The following GYS2 variants were observed in gnomAD, a reference collection of about 807,000 sequenced individuals.
GYS2 encodes glycogen [starch] synthase, liver.
A neutral mutation model predicts 85.6 loss-of-function variants in GYS2; 80 were observed. That is an observed-to-expected ratio of 0.93 (90% CI 0.78 to 1.13). The LOEUF (loss-of-function observed/expected upper bound fraction) is 1.13, where lower values mean the gene tolerates loss of function less well. Among genes scored for constraint, GYS2 ranks in the 50% most tolerant of loss-of-function variants. The probability of loss-of-function intolerance (pLI) is 0.00; values close to 1 mark genes in which losing one functional copy is unlikely to be tolerated. For synonymous variants in GYS2, 328 were observed against 300.7 expected, an observed-to-expected ratio of 1.09 and a Z score of -0.94; for missense variants, 881 against 854.9, an observed-to-expected ratio of 1.03 and a Z score of -0.38.
intron 11 of GYS2, among the ~76,000 whole-genome samples, chr12:21,548,491 G>A (rs1944068364): frequency 6.6e-6 from 1 of 152,120 alleles, no homozygotes; most frequent in Admixed American, 6.5e-5. Flanking sequence ...AGGATGTGAT[G>A]AATTTTGAGA....
chr12:21,555,547 A>T (rs1177849029), intron 11 of GYS2, among the ~76,000 whole-genome samples: 1 of 152,174 alleles, frequency 6.6e-6, no homozygotes, highest in Non-Finnish European at 1.5e-5. Context: ...TCTGATCTTA[A>T]AACTTGAAAT....
intron 11 of GYS2, among the ~76,000 whole-genome samples, chr12:21,552,290 T>C (rs1944121543): frequency 6.6e-6 from 1 of 152,220 alleles, no homozygotes; most frequent in Non-Finnish European, 1.5e-5. Context: ...AGCTGAGACA[T>C]GAAATCTTCA....
chr12:21,546,349 G>A lies in GYS2; in HGVS notation c.1544C>T (p.Thr515Ile), dbSNP rs1944039179. 1 of 1,601,828 alleles carries A rather than the reference G, an allele frequency of 6.2e-7. No homozygotes were observed. The highest frequency in any genetic ancestry group is 8.5e-7 in the Non-Finnish European group (1 of 1,169,654). Residue 515 changes from threonine (T) to isoleucine (I), a missense_variant, in exon 12 of 16, where the codon ACT becomes ATT. Coordinates refer to ENST00000261195, the MANE Select transcript of GYS2 (RefSeq NM_021957.4). ...FPSYYEPWGY[T>I]PAECTVMGIP... is the part of the protein sequence containing the mutation. ...ACTCTATACATGACACATACCTGGA[G>A]TATAACCCCAGGGTTCATAGTATGA...
chr12:21,554,796 G>A (rs966081575), intron 11 of GYS2, among the ~76,000 whole-genome samples: 2 of 152,196 alleles, frequency 1.3e-5, no homozygotes, highest in Non-Finnish European at 2.9e-5. Flanking sequence ...GTATGTAAGT[G>A]TTACGTATGT....
At chr12:21,585,086 C>T (rs983831910) in intron 1 of GYS2, among the ~76,000 whole-genome samples, 19 of 152,196 alleles carry the variant, frequency 1.2e-4, no homozygotes, top group African/African-American at 4.3e-4. Context: ...CTCCCATAGA[C>T]AGGATTCACG....
intron 1 of GYS2, among the ~76,000 whole-genome samples, chr12:21,598,773 T>C (rs1301216471): frequency 6.6e-6 from 1 of 152,152 alleles, no homozygotes; most frequent in Non-Finnish European, 1.5e-5. Flanking sequence ...AATGATCGTT[T>C]TACCACAGCG....
intron 8 of GYS2, 67 bp downstream of exon 8, chr12:21,560,319 T>A (rs905961898): frequency 1.2e-6 from 1 of 865,508 alleles, no homozygotes; most frequent in African/African-American, 1.6e-5. Context: ...ATACATGAGA[T>A]GTCATTCACT....
chr12:21,541,292 C>CAAAAAAAA (rs1230079238), intron 13 of GYS2, among the ~76,000 whole-genome samples: 1 of 106,258 alleles, frequency 9.4e-6, no homozygotes, highest in African/African-American at 3.7e-5. Flanking sequence ...AAAAAAAAAA[C>CAAAAAAAA]AAAAAACCCA....
intron 2 of GYS2, among the ~76,000 whole-genome samples, chr12:21,579,915 G>A (rs925602888): frequency 5.3e-5 from 8 of 152,144 alleles, no homozygotes; most frequent in African/African-American, 1.9e-4. Context: ...ATTAAGACTT[G>A]AACATCCTTG....
At chr12:21,562,336 G>A (rs1944263762) in intron 7 of GYS2, among the ~76,000 whole-genome samples, 1 of 152,058 alleles carries the variant, frequency 6.6e-6, no homozygotes, top group East Asian at 1.9e-4. Context: ...TCTATAGAGA[G>A]TTCGTGCTGT....
intron 11 of GYS2, among the ~76,000 whole-genome samples, chr12:21,548,020 T>C (rs1944061944): frequency 6.6e-6 from 1 of 152,234 alleles, no homozygotes; most frequent in Non-Finnish European, 1.5e-5. Flanking sequence ...TTTTCCAAAA[T>C]TTTGTATTCA....
chr12:21,604,340 A>T, intron 1 of GYS2, 132 bp downstream of exon 1: 1 of 744,318 alleles, frequency 1.3e-6, no homozygotes, highest in Non-Finnish European at 2.5e-6. Flanking sequence ...GCCTAAATAT[A>T]TATTCCGTTT....
chr12:21,578,613 A>C (rs1312452613), intron 2 of GYS2, among the ~76,000 whole-genome samples: 1 of 151,672 alleles, frequency 6.6e-6, no homozygotes, highest in Non-Finnish European at 1.5e-5. Flanking sequence ...TCATAAAATG[A>C]CCTTTAATAC....
intron 7 of GYS2, among the ~76,000 whole-genome samples, 178 bp from the exon 8 acceptor site, chr12:21,560,670 T>C (rs759916288): frequency 1.3e-5 from 2 of 152,234 alleles, no homozygotes; most frequent in Non-Finnish European, 2.9e-5. Flanking sequence ...AAATTTTAAT[T>C]AAAATCAAAA....
rs531661083 is a variant in GYS2, at chr12:21,579,926, G to A, written c.303+416C>T. On this transcript the variant is annotated intron_variant, in intron 2 of 15. Coordinates refer to ENST00000261195, the MANE Select transcript of GYS2 (RefSeq NM_021957.4). The stretch of plus-strand genomic sequence containing the variant: ...GAGGATTAAGACTTGAACATCCTTG[G>A]TTGTACATCATTAGCTTTGCTTCTA... Among the ~76,000 whole-genome samples the A allele has an allele frequency of 1.5e-4, 23 of 152,246 alleles. No homozygotes were observed. The East Asian group carries it at 4.4e-3, about 29-fold the overall frequency.
intron 14 of GYS2, among the ~76,000 whole-genome samples, chr12:21,539,895 G>C (rs1203187573): frequency 6.6e-6 from 1 of 152,206 alleles, no homozygotes; most frequent in Non-Finnish European, 1.5e-5. Context: ...TTATGTGAAG[G>C]CAAAGTCAAT....
chr12:21,567,814 C>T (rs547460302), intron 5 of GYS2, among the ~76,000 whole-genome samples: 1 of 152,248 alleles, frequency 6.6e-6, no homozygotes, highest in Non-Finnish European at 1.5e-5. Flanking sequence ...GTAGCTCACA[C>T]ATGTAATCCC....
Position 21,537,139 on chromosome 12 carries a change from G to A in GYS2, c.1927C>T (p.Pro643Ser). The change falls in exon 16 of 16, where the codon CCA (proline) becomes TCA (serine). Residue 643 changes from proline (P) to serine (S), a missense_variant. Coordinates refer to ENST00000261195, the MANE Select transcript of GYS2 (RefSeq NM_021957.4). Reference sequence around the variant, plus strand: ...GCCTGAGACCCTGAAGGAGAAGGTGGTACTGAGGAAGGCCTGGGATATTTA... The same window carrying A: ...GCCTGAGACCCTGAAGGAGAAGGTGATACTGAGGAAGGCCTGGGATATTTA... The part of the protein sequence containing the change: ...GFKYPRPSSV[P>S]PSPSGSQASS... 1 of 1,613,844 alleles carries A rather than the reference G, an allele frequency of 6.2e-7. No individual in the cohort carries two copies. The highest frequency in any genetic ancestry group is 1.6e-4 in the Middle Eastern group (1 of 6,062).
chr12:21,591,685 C>T (rs1001231738), intron 1 of GYS2, among the ~76,000 whole-genome samples: 2 of 152,102 alleles, frequency 1.3e-5, no homozygotes, highest in Non-Finnish European at 1.5e-5. Flanking sequence ...CTCCACAGCA[C>T]ATTATAGTCA....
Sources: allele counts gnomAD v4.1 joint callset (sites outside exome capture counted in the v4.1 genomes callset), GRCh38; gene constraint gnomAD v4.1.1; transcripts MANE v1.5; gene names NCBI Gene and HGNC (gene_info 2026-07-23, HGNC 2026-07-21).